SCRG1: variants seen among roughly 807,000 people sequenced by gnomAD.
SCRG1 encodes scrapie-responsive protein 1.
A neutral mutation model predicts 7.7 loss-of-function variants in SCRG1; 3 were observed. The observed-to-expected ratio is 0.39, with a 90% CI of 0.18 to 1.01. The LOEUF is 1.01. Ranked by LOEUF, SCRG1 falls within the 50% of genes least tolerant of loss-of-function variation. The pLI is 0.36. For synonymous variants in SCRG1, 46 were observed against 41.2 expected (o/e 1.12, Z -0.44); for missense variants, 110 against 117.2 (o/e 0.94, Z 0.28).
At chr4:173,432,043 C>T in the SCRG1 span, among the ~76,000 whole-genome samples, 1 of 152,184 alleles carries the variant, frequency 6.6e-6, no homozygotes, top group South Asian at 2.1e-4. Flanking sequence ...CAAAATCCAA[C>T]TTAGAGGTAA....
At chr4:173,409,670 C>A (rs539728401), upstream of SCRG1, among the ~76,000 whole-genome samples, 3 of 147,278 alleles carry the variant, frequency 2.0e-5, no homozygotes, top group South Asian at 2.1e-4. Context: ...CTCACTGCAA[C>A]CTCTGCCTCC....
the SCRG1 span, among the ~76,000 whole-genome samples, chr4:173,427,901 T>C: frequency 6.6e-6 from 1 of 152,244 alleles, no homozygotes; most frequent in African/African-American, 2.4e-5. Flanking sequence ...ACTTAGCAGA[T>C]ATTATAGTTA....
At chr4:173,454,052 T>C in the SCRG1 span, among the ~76,000 whole-genome samples, 1 of 144,788 alleles carries the variant, frequency 6.9e-6, no homozygotes, top group Non-Finnish European at 1.5e-5. Flanking sequence ...CACTCTGGCC[T>C]GCGTGACAGA....
chr4:173,458,587 C>A, the SCRG1 span, among the ~76,000 whole-genome samples: 451 of 152,122 alleles, frequency 3.0e-3, 2 homozygotes, highest in Non-Finnish European at 4.6e-3. Flanking sequence ...GTATTAAACT[C>A]GCTGGTAAAG....
the SCRG1 span, among the ~76,000 whole-genome samples, chr4:173,452,104 A>G: frequency 6.6e-6 from 1 of 152,084 alleles, no homozygotes; most frequent in Admixed American, 6.6e-5. Context: ...ATGAGACACA[A>G]TGGGGCCTCA....
the SCRG1 span, among the ~76,000 whole-genome samples, chr4:173,484,012 T>C: frequency 1.1e-5 from 1 of 93,598 alleles, no homozygotes; most frequent in African/African-American, 4.4e-5. Flanking sequence ...TTACATATTA[T>C]ATAATATATT....
chr4:173,416,354 G>A, the SCRG1 span, among the ~76,000 whole-genome samples: 1 of 152,214 alleles, frequency 6.6e-6, no homozygotes. Flanking sequence ...GATGCTCCCC[G>A]CTGCCAGCCA....
chr4:173,482,965 G>T, the SCRG1 span, among the ~76,000 whole-genome samples: 6 of 121,580 alleles, frequency 4.9e-5, no homozygotes, highest in Middle Eastern at 4.8e-3. Flanking sequence ...TGTACATATT[G>T]TATATATAAT....
the SCRG1 span, among the ~76,000 whole-genome samples, chr4:173,484,973 A>ATATTATAAATATAATATATAATC: frequency 3.5e-4 from 12 of 34,274 alleles, no homozygotes; most frequent in African/African-American, 1.2e-3. Context: ...ATTATATATA[A>ATATTATAAATATAATATATAATC]TATTATAAAT....
At chr4:173,432,312 TCCTTC>T in the SCRG1 span, among the ~76,000 whole-genome samples, 3 of 108,196 alleles carry the variant, frequency 2.8e-5, no homozygotes, top group Non-Finnish European at 5.5e-5. Flanking sequence ...CCTCCCTCCC[TCCTTC>T]CCTTCCTTCC....
the SCRG1 span, among the ~76,000 whole-genome samples, chr4:173,508,177 C>T: frequency 6.6e-6 from 1 of 152,194 alleles, no homozygotes. The surrounding 1 kb of genome is among the most constrained non-coding windows in gnomAD (Gnocchi z 4.4). Context: ...CCTCCTCCCG[C>T]CTAAATGTAC....
chr4:173,448,803 A>G, the SCRG1 span, among the ~76,000 whole-genome samples: 9 of 152,198 alleles, frequency 5.9e-5, no homozygotes, highest in African/African-American at 1.9e-4. Context: ...GCTGCTCTGC[A>G]GTAGTTTAAC....
chr4:173,437,090 A>G, the SCRG1 span, among the ~76,000 whole-genome samples: 3 of 152,348 alleles, frequency 2.0e-5, no homozygotes, highest in South Asian at 6.2e-4. Flanking sequence ...GGCAGTCTCT[A>G]TGTTAACATC....
the SCRG1 span, among the ~76,000 whole-genome samples, chr4:173,451,630 CTTATTTTAT>C: frequency 5.6e-3 from 279 of 50,024 alleles, 3 homozygotes; most frequent in African/African-American, 9.1e-3. Flanking sequence ...ATTTTACTTA[CTTATTTTAT>C]TTATTTATTT....
chr4:173,443,190 G>A, the SCRG1 span, among the ~76,000 whole-genome samples: 12 of 152,062 alleles, frequency 7.9e-5, no homozygotes, highest in Admixed American at 4.6e-4. Context: ...CAGATCTTAT[G>A]AGATCCATGT....
At chr4:173,502,307 C>T in the SCRG1 span, among the ~76,000 whole-genome samples, 1 of 152,082 alleles carries the variant, frequency 6.6e-6, no homozygotes, top group East Asian at 1.9e-4. The surrounding 1 kb of genome is among the most constrained non-coding windows in gnomAD (Gnocchi z 4.6). Context: ...CCAAATGCAA[C>T]CAGGCAGGTG....
chr4:173,500,758 GTAAATTTATACTGTAAATTTA>G, the SCRG1 span, among the ~76,000 whole-genome samples: 11 of 150,808 alleles, frequency 7.3e-5, no homozygotes, highest in South Asian at 2.1e-4. Flanking sequence ...AGTGCTGGGA[GTAAATTTATACTGTAAATTTA>G]TAAATTTATA....
chr4:173,462,407 T>C, the SCRG1 span, among the ~76,000 whole-genome samples: 1 of 152,268 alleles, frequency 6.6e-6, no homozygotes, highest in African/African-American at 2.4e-5. Context: ...GCATGGCATA[T>C]TTAAAGTGCT....
upstream of SCRG1, among the ~76,000 whole-genome samples, chr4:173,399,811 G>A (rs568156684): frequency 3.3e-5 from 5 of 152,262 alleles, no homozygotes; most frequent in South Asian, 2.1e-4. Context: ...TAAAAAATTC[G>A]ATTAGGAGTA....
Sources: allele counts gnomAD v4.1 joint callset (sites outside exome capture counted in the v4.1 genomes callset), GRCh38; gene constraint gnomAD v4.1.1; non-coding constraint Gnocchi (gnomAD v3.1); transcripts MANE v1.5; gene names NCBI Gene and HGNC (gene_info 2026-07-23, HGNC 2026-07-21).